RIPOR3: variants seen among roughly 807,000 people sequenced by gnomAD.
The protein encoded by RIPOR3 is RIPOR family member 3, also known as family with sequence similarity 65 member C.
RIPOR3 carries 95 observed loss-of-function variants against 114.3 expected under a neutral mutation model. The observed-to-expected ratio is 0.83, with a 90% CI of 0.70 to 0.99. The LOEUF (loss-of-function observed/expected upper bound fraction) is 0.99, where lower values mean the gene tolerates loss of function less well. RIPOR3 is among the 50% of genes least tolerant of loss of function. RIPOR3 has a pLI of 0.00. For missense variants in RIPOR3, 1,252 were observed against 1,266.9 expected (o/e 0.99, Z 0.18); for synonymous variants, 575 against 543.8 (o/e 1.06, Z -0.80).
chr20:50,595,520 G>C lies in RIPOR3; in HGVS notation c.1915-16C>G. 7 of 1,613,302 alleles carry C rather than the reference G, an allele frequency of 4.3e-6. No homozygotes were observed. Among genetic ancestry groups the C allele is most frequent in the Non-Finnish European group, 5.1e-6 (6 of 1,179,742 alleles). On this transcript the variant is annotated splice_polypyrimidine_tract_variant and intron_variant, in intron 15 of 21. Coordinates refer to ENST00000327979, the MANE Select transcript of RIPOR3 (RefSeq NM_001290268.2). ...AGGCCAGTTTCTGGGAAGCAGCCCA[G>C]ATGCTCCAGATTAGCATGGAACATG...
chr20:50,609,695 T>C lies in RIPOR3; in HGVS notation c.454A>G (p.Ile152Val). 7.2e-7 allele frequency: 1 copy of C among 1,392,620 alleles called. No individual in the cohort carries two copies. Among genetic ancestry groups the C allele is most frequent in the South Asian group, 1.8e-5 (1 of 56,534 alleles). The allele number at this position is 1,392,620 out of a possible 1,614,324, so 86.3% of individuals were successfully genotyped here. ...GCGCCGTCGCGCAGGCGGCACTGGATGCAGTAGTCCTCGTACAGCTCATCC... is the reference window on the plus strand; with the variant it reads ...GCGCCGTCGCGCAGGCGGCACTGGACGCAGTAGTCCTCGTACAGCTCATCC... ...KVDELYEDYC[I>V]QCRLRDGASS... The change falls in exon 7 of 22, where the codon ATC becomes GTC. Residue 152 changes from isoleucine to valine, a missense_variant. Ile to Val is a conservative substitution (Grantham distance 29). Coordinates refer to ENST00000327979, the MANE Select transcript of RIPOR3 (RefSeq NM_001290268.2).
chr20:50,595,606 C>T (rs2083261167), intron 15 of RIPOR3, 102 bp from the exon 16 acceptor site: 3 of 1,474,370 alleles, frequency 2.0e-6, no homozygotes, highest in Non-Finnish European at 2.8e-6. Flanking sequence ...CTCTTCTGTC[C>T]CGGGGGCAGC....
intron 1 of RIPOR3, among the ~76,000 whole-genome samples, chr20:50,663,094 CAAA>C (rs35856275): frequency 2.2e-4 from 15 of 69,330 alleles, no homozygotes; most frequent in South Asian, 4.8e-4. Context: ...GAGACTGTCT[CAAA>C]AAAAAAAAAA....
intron 1 of RIPOR3, among the ~76,000 whole-genome samples, chr20:50,650,245 A>T (rs1355046054): frequency 6.6e-6 from 1 of 152,086 alleles, no homozygotes; most frequent in Non-Finnish European, 1.5e-5. Flanking sequence ...CACCCTCGAG[A>T]TCTATTCACC....
At chr20:50,609,748 C>T (rs1049411494) in intron 6 of RIPOR3, 26 bp from the exon 7 acceptor site, 61 of 1,357,394 alleles carry the variant, frequency 4.5e-5, no homozygotes, top group East Asian at 6.0e-5. Context: ...GGGCTGGTGG[C>T]GCTGCCCACG....
chr20:50,632,426 G>A (rs530639107), intron 1 of RIPOR3, among the ~76,000 whole-genome samples: 3 of 152,204 alleles, frequency 2.0e-5, no homozygotes, highest in Non-Finnish European at 4.4e-5. Flanking sequence ...TAAGACCCCA[G>A]CTCTGCAGGT....
At chr20:50,613,968 G>A (rs889223371) in intron 4 of RIPOR3, among the ~76,000 whole-genome samples, 3 of 152,092 alleles carry the variant, frequency 2.0e-5, no homozygotes, top group Admixed American at 6.6e-5. Flanking sequence ...TGCCCACCCC[G>A]AGGCCCTCTC....
chr20:50,601,102 A>G lies in RIPOR3; in HGVS notation c.1659+970T>C, dbSNP rs185060519. Among the ~76,000 whole-genome samples, 847 of 152,278 alleles carry G rather than the reference A, an allele frequency of 5.6e-3. 6 individuals are homozygous for G. Among genetic ancestry groups the G allele is most frequent in the African/African-American group, 0.019 (809 of 41,548 alleles). ...CCGAGGGAACACAGAGCAGGAAGGG[A>G]TGGGCCTGCCGGGGCCAGGTGGGAG... On this transcript the variant is annotated intron_variant, in intron 13 of 21. Coordinates refer to ENST00000327979, the MANE Select transcript of RIPOR3 (RefSeq NM_001290268.2).
chr20:50,596,189 A>C lies in RIPOR3; in HGVS notation c.1865T>G (p.Leu622Arg), dbSNP rs1424974793. The C allele has an allele frequency of 2.5e-6, 4 of 1,614,214 alleles. No homozygotes were observed. Among genetic ancestry groups the C allele is most frequent in the Non-Finnish European group, 3.4e-6 (4 of 1,180,036 alleles). ...SRELTAGAPE[L>R]DVLLMVHLQV... ...GAGGTGTACCATCAGCAGCACGTCC[A>C]GCTCTGGGGCACCGGCTGTGAGTTC... The change falls in exon 15 of 22, where the codon CTG (leucine) becomes CGG (arginine). Residue 622 changes from leucine (L) to arginine (R), a missense_variant. Leu to Arg is a moderately radical substitution (Grantham distance 102). Transcript: ENST00000327979.
In RIPOR3 at chr20:50,642,380, G is replaced by GAA. The variant is rs2085236049; in HGVS notation, c.4-11525_4-11524insTT. ...TGTGTGTGTGTGTGTGTGTGTGTGAGAGAGAGAGAAACAGGGAGAGAGATA... is the reference window on the plus strand; with the variant it reads ...TGTGTGTGTGTGTGTGTGTGTGTGAGAAAGAGAGAGAAACAGGGAGAGAGATA... On this transcript the variant is annotated intron_variant, in intron 1 of 21. Coordinates refer to ENST00000327979, the MANE Select transcript of RIPOR3 (RefSeq NM_001290268.2). Among the ~76,000 whole-genome samples, 3 of 143,374 alleles carry GAA rather than the reference G, an allele frequency of 2.1e-5. No homozygotes were observed. The Admixed American group carries it at 2.1e-4, about 10-fold the overall frequency. 94.1% of individuals were successfully genotyped at this position (143,374 alleles called of 152,430 possible).
At chr20:50,609,437 A>G in intron 7 of RIPOR3, 81 bp from the exon 8 acceptor site, 4 of 1,545,594 alleles carry the variant, frequency 2.6e-6, no homozygotes, top group East Asian at 2.4e-5. Flanking sequence ...AGCCAGACAG[A>G]GGCCACAGGC....
chr20:50,654,435 T>TG (rs2085735915), intron 1 of RIPOR3, among the ~76,000 whole-genome samples: 3 of 132,474 alleles, frequency 2.3e-5, no homozygotes, highest in East Asian at 2.1e-4. Flanking sequence ...TTTTTTTTTT[T>TG]TTTTTTTTTT....
intron 1 of RIPOR3, among the ~76,000 whole-genome samples, chr20:50,676,668 A>C (rs1600755189): frequency 1.3e-5 from 2 of 152,022 alleles, no homozygotes; most frequent in South Asian, 2.1e-4. Context: ...AAATAAAAAA[A>C]CCCACAGGTG....
rs182336299 is a variant in RIPOR3, at chr20:50,606,824, G to A, written c.956+1565C>T. On this transcript the variant is annotated intron_variant, in intron 11 of 21. Transcript: ENST00000327979. ...GGCTCACTGCAGCCTCCGCCTCCCC[G>A]GTTCAAGCGATTCTCCTGCCTCAGC... Among the ~76,000 whole-genome samples the A allele has an allele frequency of 2.9e-3, 434 of 151,952 alleles. 3 individuals carry two copies. The highest frequency in any genetic ancestry group is 1.0e-2 in the African/African-American group (413 of 41,424).
At chr20:50,614,303 T>C (rs576587239) in intron 4 of RIPOR3, among the ~76,000 whole-genome samples, 1 of 152,356 alleles carries the variant, frequency 6.6e-6, no homozygotes, top group African/African-American at 2.4e-5. Flanking sequence ...CCCAAAGTGC[T>C]GAGACTACAA....
At chr20:50,588,363 C>T (rs1037601544) in intron 20 of RIPOR3, among the ~76,000 whole-genome samples, 4 of 152,246 alleles carry the variant, frequency 2.6e-5, no homozygotes, top group Non-Finnish European at 4.4e-5. Flanking sequence ...CTGATCCTAA[C>T]CAGCTTCTCC....
At chr20:50,606,749 T>C (rs2083734516) in intron 11 of RIPOR3, among the ~76,000 whole-genome samples, 1 of 151,528 alleles carries the variant, frequency 6.6e-6, no homozygotes, top group Non-Finnish European at 1.5e-5. Flanking sequence ...TCTTTTTCTC[T>C]GAGACTGTCT....
chr20:50,672,759 C>T (rs1289282559), intron 1 of RIPOR3, among the ~76,000 whole-genome samples: 1 of 152,238 alleles, frequency 6.6e-6, no homozygotes, highest in Non-Finnish European at 1.5e-5. Context: ...CCCTAACAGA[C>T]ATGCATCAGA....
chr20:50,589,280 T>C (rs1028846232), intron 20 of RIPOR3, among the ~76,000 whole-genome samples: 1 of 151,810 alleles, frequency 6.6e-6, no homozygotes, highest in Non-Finnish European at 1.5e-5. Flanking sequence ...GATGGATAAC[T>C]TTCTTTTCTA....
Sources: gnomAD v4.1 joint callset for allele counts (sites outside exome capture counted in the v4.1 genomes callset) on GRCh38, gnomAD v4.1.1 for gene constraint, MANE v1.5 for transcripts, NCBI Gene and HGNC (gene_info 2026-07-23, HGNC 2026-07-21) for gene names.